PRKAR1B: variants seen among roughly 807,000 people sequenced by gnomAD.
PRKAR1B encodes the protein cAMP-dependent protein kinase type I-beta regulatory subunit.
PRKAR1B carries 22 observed loss-of-function variants against 46.5 expected under a neutral mutation model. The observed-to-expected ratio is 0.47, with a 90% CI of 0.34 to 0.68. The LOEUF (loss-of-function observed/expected upper bound fraction) is 0.68, where lower values mean the gene tolerates loss of function less well. Ranked by LOEUF, PRKAR1B falls within the 30% of genes least tolerant of loss-of-function variation. The pLI is 0.01. For synonymous variants in PRKAR1B, 259 were observed against 217.7 expected (o/e 1.19, Z -1.67); for missense variants, 445 against 535.6 (o/e 0.83, Z 1.67).
At chr7:669,243 G>A (rs1295637098) in intron 4 of PRKAR1B, among the ~76,000 whole-genome samples, 1 of 152,188 alleles carries the variant, frequency 6.6e-6, no homozygotes, top group Admixed American at 6.6e-5. Flanking sequence ...ATATATCATG[G>A]TTCATTTAAG....
chr7:567,522 A>G (rs555031237), intron 9 of PRKAR1B, among the ~76,000 whole-genome samples: 74 of 150,600 alleles, frequency 4.9e-4, no homozygotes, highest in Non-Finnish European at 7.1e-4. Context: ...CTTCATCACC[A>G]TCACCATCAT....
chr7:635,936 G>A (rs866847749), intron 4 of PRKAR1B, among the ~76,000 whole-genome samples: 42 of 148,036 alleles, frequency 2.8e-4, no homozygotes, highest in African/African-American at 7.9e-4. Context: ...CCAGCACCGC[G>A]CCCACACATC....
At position 550,312 on chromosome 7, in the gene PRKAR1B, G is replaced by T; in HGVS notation, c.*118C>A. 2.4e-6 allele frequency: 2 copies of T among 845,100 alleles called. No homozygotes were observed. The highest frequency in any genetic ancestry group is 3.8e-6 in the Non-Finnish European group (2 of 532,342). The allele number at this position is 845,100 out of a possible 1,614,324, so 52.4% of individuals were successfully genotyped here. Reference sequence around the variant, plus strand: ...CCGGGGAAGGGGCAGTCCTCACGCTGCCGGGACCCAGCCCCACCCGGCCCA... The same window carrying T: ...CCGGGGAAGGGGCAGTCCTCACGCTTCCGGGACCCAGCCCCACCCGGCCCA... On this transcript the variant is annotated 3_prime_UTR_variant, in exon 11 of 11. Transcript: ENST00000537384.
rs1784031434 is a variant in PRKAR1B, at chr7:549,314, G to A, written c.*1116C>T. 6.6e-6 allele frequency: 1 copy of A among 152,344 alleles called. No individual in the cohort carries two copies. Among genetic ancestry groups the A allele is most frequent in the Non-Finnish European group, 1.5e-5 (1 of 68,164 alleles). The allele number at this position is 152,344 out of a possible 1,614,324, so 9.4% of individuals were successfully genotyped here. A position where few individuals can be genotyped will look rare whatever the true frequency, so the allele number is the denominator to read the frequency against. On this transcript the variant is annotated 3_prime_UTR_variant, in exon 11 of 11. Transcript: ENST00000537384. ...AGGCGGGACACGGCGACGTGGCCGG[G>A]GCTGGGTGGGGAGGGGGACCCCACG... is the stretch of plus-strand genomic sequence containing the variant.
intron 2 of PRKAR1B, among the ~76,000 whole-genome samples, chr7:686,631 C>G (rs1317181039): frequency 6.6e-6 from 1 of 152,110 alleles, no homozygotes; most frequent in Non-Finnish European, 1.5e-5. Flanking sequence ...TAATGACTGA[C>G]TAGGTTGTTT....
rs149092367 is a variant in PRKAR1B at position 585,243 on chromosome 7, A to G, written c.709-675T>C. Among the ~76,000 whole-genome samples, 635 of 152,302 alleles carry G rather than the reference A, an allele frequency of 4.2e-3. 9 individuals are homozygous for G. Among genetic ancestry groups the G allele is most frequent in the Non-Finnish European group, 3.5e-3 (238 of 68,016 alleles). ...CCATCAAGCTGATGGGCCCTGGTGC[A>G]AACAGGAACGAGGCCCCTGCTCTAG... On this transcript the variant is annotated intron_variant, in intron 7 of 10. Transcript: ENST00000537384.
At chr7:719,768 G>A (rs1466916765) in intron 1 of PRKAR1B, among the ~76,000 whole-genome samples, 2 of 152,112 alleles carry the variant, frequency 1.3e-5, no homozygotes, top group African/African-American at 4.8e-5. Context: ...CTCCCTCCTA[G>A]TGACCCTTAA....
intron 9 of PRKAR1B, among the ~76,000 whole-genome samples, chr7:554,134 G>T (rs1413643737): frequency 1.3e-5 from 2 of 152,234 alleles, no homozygotes; most frequent in Admixed American, 6.5e-5. Context: ...AGGCCCATGT[G>T]GGGGCAGATG....
chr7:680,499 G>C, intron 3 of PRKAR1B, 57 bp downstream of exon 3: 2 of 1,508,672 alleles, frequency 1.3e-6, no homozygotes, highest in Admixed American at 2.2e-5. Flanking sequence ...GGAGCTCACA[G>C]GTGACAGCCA....
chr7:596,992 G>C (rs924118209), intron 6 of PRKAR1B, among the ~76,000 whole-genome samples: 8 of 152,378 alleles, frequency 5.3e-5, no homozygotes, highest in African/African-American at 1.9e-4. Flanking sequence ...CTTTCAGCCC[G>C]GGTGGGCCGC....
chr7:699,747 C>T (rs1297625769), intron 2 of PRKAR1B, among the ~76,000 whole-genome samples: 2 of 152,244 alleles, frequency 1.3e-5, no homozygotes, highest in South Asian at 2.1e-4. Flanking sequence ...CGTGGGTGGC[C>T]ATGGGCTGCA....
chr7:584,521 C>A lies in PRKAR1B; in HGVS notation c.756G>T (p.Lys252Asn). ...KRKMYEEFLS[K>N]VSILESLEKW... is the part of the protein sequence containing the mutation. ...GCAGCCACTGACCTAGGATGGAGACCTTGCTGAGGAACTCCTCGTACATCT... is the reference window on the plus strand; with the variant it reads ...GCAGCCACTGACCTAGGATGGAGACATTGCTGAGGAACTCCTCGTACATCT... The change falls in exon 8 of 11, where the codon AAG becomes AAT. Residue 252 changes from lysine to asparagine, a missense_variant. Lys to Asn is a moderately conservative substitution (Grantham distance 94). Around this residue, in one of 5 missense-constraint regions of PRKAR1B, gnomAD observed 51 missense variants for 85.1 expected, o/e 0.60. Transcript: ENST00000537384. The A allele has an allele frequency of 6.2e-7, 1 of 1,613,922 alleles. No homozygotes were observed. The highest frequency in any genetic ancestry group is 8.5e-7 in the Non-Finnish European group (1 of 1,179,972).
At chr7:728,494 A>G (rs528974432), upstream of PRKAR1B, among the ~76,000 whole-genome samples, 20 of 152,368 alleles carry the variant, frequency 1.3e-4, no homozygotes, top group African/African-American at 3.6e-4. Context: ...GGAAATGCCG[A>G]GATTTCCACG....
chr7:651,198 G>A (rs946507709), intron 4 of PRKAR1B, among the ~76,000 whole-genome samples: 1 of 152,210 alleles, frequency 6.6e-6, no homozygotes, highest in Non-Finnish European at 1.5e-5. Flanking sequence ...CAGGCTCCTA[G>A]GGGCCTCTGG....
chr7:725,734 C>G (rs1199345615), intron 1 of PRKAR1B, among the ~76,000 whole-genome samples: 1 of 152,152 alleles, frequency 6.6e-6, no homozygotes, highest in Non-Finnish European at 1.5e-5. Flanking sequence ...AGCTAGAGGC[C>G]ACAAGATTCC....
At chr7:691,915 G>A in intron 2 of PRKAR1B, 2 of 1,046,760 alleles carry the variant, frequency 1.9e-6, no homozygotes, top group Non-Finnish European at 2.4e-6. Context: ...GGAGCTGCGA[G>A]TCCCTTGCTC....
At chr7:582,641 G>A (rs1780251856) in intron 8 of PRKAR1B, among the ~76,000 whole-genome samples, 1 of 152,208 alleles carries the variant, frequency 6.6e-6, no homozygotes, top group Non-Finnish European at 1.5e-5. Flanking sequence ...ACCTCCAGCC[G>A]GGGGGTCACC....
intron 8 of PRKAR1B, among the ~76,000 whole-genome samples, chr7:583,830 A>G (rs902945970): frequency 1.3e-5 from 2 of 149,482 alleles, no homozygotes; most frequent in African/African-American, 4.9e-5. Context: ...ACGCACACAC[A>G]CCCCCATGTG....
chr7:571,833 C>CACGCAT (rs1779531898), intron 9 of PRKAR1B, among the ~76,000 whole-genome samples: 1 of 152,214 alleles, frequency 6.6e-6, no homozygotes, highest in Non-Finnish European at 1.5e-5. Flanking sequence ...TCCACTTTCC[C>CACGCAT]GTCCGCGGTG....
Sources: gnomAD v4.1 joint callset for allele counts (sites outside exome capture counted in the v4.1 genomes callset) on GRCh38, gnomAD v4.1.1 for gene constraint, gnomAD v4.1.1 regional missense constraint, MANE v1.5 for transcripts, NCBI Gene and HGNC (gene_info 2026-07-23, HGNC 2026-07-21) for gene names.